The following SPPL2A variants were observed in gnomAD, a reference collection of about 807,000 sequenced individuals.
SPPL2A encodes the protein signal peptide peptidase-like 2A.
A neutral mutation model predicts 63.8 loss-of-function variants in SPPL2A; 51 were observed. That is an observed-to-expected ratio of 0.80 (90% CI 0.64 to 1.01). The LOEUF is 1.01. SPPL2A is among the 50% of genes least tolerant of loss of function. The pLI is 0.00. For synonymous variants in SPPL2A, 188 were observed against 205.8 expected, an observed-to-expected ratio of 0.91 and a Z score of 0.74; for missense variants, 553 against 622.7, an observed-to-expected ratio of 0.89 and a Z score of 1.19.
intron 4 of SPPL2A, 92 bp downstream of exon 4, chr15:50,748,021 G>T: frequency 1.8e-6 from 1 of 558,062 alleles, no homozygotes; most frequent in East Asian, 3.6e-5. Flanking sequence ...AGCAAATGGA[G>T]CAAATATAAC....
intron 5 of SPPL2A, among the ~76,000 whole-genome samples, chr15:50,746,305 G>A (rs1016561127): frequency 1.3e-5 from 2 of 151,570 alleles, no homozygotes; most frequent in Non-Finnish European, 2.9e-5. Flanking sequence ...GGGCATGGTG[G>A]TGCGTGCCTG....
At chr15:50,732,722 G>T in intron 8 of SPPL2A, 38 bp from the exon 9 acceptor site, 1 of 1,235,138 alleles carries the variant, frequency 8.1e-7, no homozygotes, top group Non-Finnish European at 1.2e-6. Flanking sequence ...CTTTATCAAT[G>T]TTTAGATGAA....
chr15:50,756,972 C>T (rs2062962430), intron 1 of SPPL2A, among the ~76,000 whole-genome samples: 1 of 152,104 alleles, frequency 6.6e-6, no homozygotes. Flanking sequence ...ATAATGATCA[C>T]ATATTTCTCT....
In SPPL2A at chr15:50,705,705, C is replaced by T. The variant is rs2062502904; in HGVS notation, c.*2095G>A. ...GAGGGACTGACTGTCAATGAAGCTT[C>T]TCTATTTGCAATTTATTCAGCAAAA... is the stretch of plus-strand genomic sequence containing the variant. On this transcript the variant is annotated 3_prime_UTR_variant, in exon 15 of 15. Coordinates refer to ENST00000261854, the MANE Select transcript of SPPL2A (RefSeq NM_032802.4). 6.6e-6 allele frequency: 1 copy of T among 152,196 alleles called. No homozygotes were observed. The highest frequency in any genetic ancestry group is 2.1e-4 in the South Asian group (1 of 4,832). 9.4% of individuals were successfully genotyped at this position (152,196 alleles called of 1,614,324 possible). A position where few individuals can be genotyped will look rare whatever the true frequency, so the allele number is the denominator to read the frequency against.
At chr15:50,716,374 T>C (rs2062598931) in intron 14 of SPPL2A, among the ~76,000 whole-genome samples, 1 of 152,108 alleles carries the variant, frequency 6.6e-6, no homozygotes, top group South Asian at 2.1e-4. Context: ...TTTGCATTTT[T>C]AGTAGAGATG....
intron 1 of SPPL2A, among the ~76,000 whole-genome samples, chr15:50,756,312 G>A (rs186647568): frequency 1.5e-5 from 2 of 130,908 alleles, no homozygotes; most frequent in East Asian, 4.8e-4. Context: ...AGTGAGCTGA[G>A]ATCACGCCAC....
intron 14 of SPPL2A, among the ~76,000 whole-genome samples, chr15:50,713,304 G>A (rs1244430211): frequency 2.8e-5 from 4 of 142,732 alleles, no homozygotes; most frequent in Non-Finnish European, 4.5e-5. Flanking sequence ...TCTTGCTGTC[G>A]CCCAGGCTAG....
chr15:50,752,794 G>A (rs140089324), intron 1 of SPPL2A, among the ~76,000 whole-genome samples: 214 of 151,186 alleles, frequency 1.4e-3, no homozygotes, highest in Non-Finnish European at 2.1e-3. Context: ...AGGTATCCTA[G>A]GCTGACCTTG....
At chr15:50,752,915 G>A (rs2062922490) in intron 1 of SPPL2A, among the ~76,000 whole-genome samples, 1 of 151,712 alleles carries the variant, frequency 6.6e-6, no homozygotes, top group Non-Finnish European at 1.5e-5. Flanking sequence ...CTGCTCAAGT[G>A]GTATAACCTT....
intron 1 of SPPL2A, among the ~76,000 whole-genome samples, chr15:50,753,846 G>C (rs1045708288): frequency 5.3e-5 from 8 of 152,098 alleles, no homozygotes; most frequent in African/African-American, 1.9e-4. Flanking sequence ...GCCCAGGCTG[G>C]AGTGCAATGG....
At chr15:50,749,400 G>GCCT (rs1596395074) in intron 2 of SPPL2A, among the ~76,000 whole-genome samples, 2 of 151,966 alleles carry the variant, frequency 1.3e-5, no homozygotes, top group African/African-American at 4.8e-5. Context: ...CAATTCTCCT[G>GCCT]CCTCAGCCTC....
At position 50,728,879 on chromosome 15, in the gene SPPL2A, T is replaced by C. The variant is rs185684842; in HGVS notation, c.1089+2086A>G. ...GCCCGGCTGGAGTGCAGTGGCGCAA[T>C]CTTGGCTCACTGCAACCTCCACCTT... On this transcript the variant is annotated intron_variant, in intron 10 of 14. Coordinates refer to ENST00000261854, the MANE Select transcript of SPPL2A (RefSeq NM_032802.4). Among the ~76,000 whole-genome samples the C allele has an allele frequency of 1.9e-3, 289 of 150,604 alleles. 1 individual carries two copies. The highest frequency in any genetic ancestry group is 4.9e-3 in the Admixed American group (73 of 15,046).
At chr15:50,746,473 AAAC>A (rs1371377046) in intron 5 of SPPL2A, among the ~76,000 whole-genome samples, 7 of 150,862 alleles carry the variant, frequency 4.6e-5, no homozygotes, top group African/African-American at 1.7e-4. Flanking sequence ...GAAAATGTAA[AAAC>A]ATTTATGTTT....
At chr15:50,756,952 T>G (rs2062962064) in intron 1 of SPPL2A, among the ~76,000 whole-genome samples, 1 of 152,090 alleles carries the variant, frequency 6.6e-6, no homozygotes, top group Non-Finnish European at 1.5e-5. Context: ...ACCATCACAC[T>G]CCAGTTTTAA....
chr15:50,758,051 G>T, intron 1 of SPPL2A, among the ~76,000 whole-genome samples: 1 of 149,342 alleles, frequency 6.7e-6, no homozygotes. Context: ...CACTTTGGGA[G>T]GCTGAGGTGG....
At position 50,703,244 on chromosome 15, in the gene SPPL2A, A is replaced by G. The variant is rs753160890; in HGVS notation, c.*4556T>C. 1 of 148,018 alleles carries G rather than the reference A, an allele frequency of 6.8e-6. No homozygotes were observed. The allele number at this position is 148,018 out of a possible 1,614,324, so 9.2% of individuals were successfully genotyped here. A position where few individuals can be genotyped will look rare whatever the true frequency, so the allele number is the denominator to read the frequency against. ...TCCATTCAATTGTAGACTGAAGTAC[A>G]GTTTTTGTTTTTGAAATTTCATTGG... On this transcript the variant is annotated 3_prime_UTR_variant, in exon 15 of 15. Transcript: ENST00000261854.
At chr15:50,710,676 T>C (rs1282968645) in intron 14 of SPPL2A, among the ~76,000 whole-genome samples, 2 of 152,176 alleles carry the variant, frequency 1.3e-5, no homozygotes, top group Non-Finnish European at 2.9e-5. Flanking sequence ...TCTCCAGAAA[T>C]AGTCTAATAA....
intron 1 of SPPL2A, 111 bp downstream of exon 1, chr15:50,765,357 G>A (rs1288977785): frequency 2.8e-6 from 2 of 711,398 alleles, no homozygotes; most frequent in Non-Finnish European, 4.3e-6. Flanking sequence ...AGCAGGCCGC[G>A]GAGGTGCGGG....
intron 6 of SPPL2A, among the ~76,000 whole-genome samples, chr15:50,738,071 C>T (rs2062786233): frequency 6.6e-6 from 1 of 152,152 alleles, no homozygotes; most frequent in African/African-American, 2.4e-5. Context: ...GTAGTCCCAG[C>T]TACTTGGGAG....
Sources: allele counts gnomAD v4.1 joint callset (sites outside exome capture counted in the v4.1 genomes callset), GRCh38; gene constraint gnomAD v4.1.1; transcripts MANE v1.5; gene names NCBI Gene and HGNC (gene_info 2026-07-23, HGNC 2026-07-21).